ULK4: variants seen among roughly 807,000 people sequenced by gnomAD.
ULK4 encodes inactive serine/threonine-protein kinase ULK4.
In ULK4, 133 loss-of-function variants were observed where a neutral mutation model predicts 160.6. The observed-to-expected ratio is 0.83, with a 90% confidence interval of 0.72 to 0.96. The LOEUF is 0.96. Among genes scored for constraint, ULK4 ranks in the 40% least tolerant of loss-of-function variants. The pLI is 0.00. For missense variants in ULK4, 1,580 were observed against 1,499.5 expected, an observed-to-expected ratio of 1.05 and a Z score of -0.89; for synonymous variants, 534 against 539.8, an observed-to-expected ratio of 0.99 and a Z score of 0.15.
chr3:41,379,060 T>C (rs2081586777), intron 35 of ULK4, among the ~76,000 whole-genome samples: 1 of 151,794 alleles, frequency 6.6e-6, no homozygotes, highest in Non-Finnish European at 1.5e-5. Flanking sequence ...TGTCGGGAGA[T>C]GGGAAGCAAG....
chr3:41,464,456 G>T (rs1575259230), intron 32 of ULK4, among the ~76,000 whole-genome samples: 1 of 152,068 alleles, frequency 6.6e-6, no homozygotes, highest in African/African-American at 2.4e-5. Context: ...AAAGTAGAAT[G>T]AATTACCGTC....
intron 31 of ULK4, among the ~76,000 whole-genome samples, chr3:41,574,296 CCCAGCCA>C (rs1475282294): frequency 1.3e-5 from 2 of 152,116 alleles, no homozygotes; most frequent in African/African-American, 4.8e-5. Context: ...CCACAGCTTG[CCCAGCCA>C]CCAGCCACAA....
chr3:41,628,582 A>G (rs1456418616), intron 30 of ULK4, among the ~76,000 whole-genome samples: 1 of 152,242 alleles, frequency 6.6e-6, no homozygotes, highest in Admixed American at 6.5e-5. Context: ...GTTATGAAAG[A>G]CAAGAAAAGG....
intron 32 of ULK4, among the ~76,000 whole-genome samples, chr3:41,547,538 T>C (rs1051074043): frequency 6.6e-6 from 1 of 152,124 alleles, no homozygotes; most frequent in Non-Finnish European, 1.5e-5. Flanking sequence ...GAGAGCTCCT[T>C]CACTCTTACA....
At chr3:41,389,370 T>C (rs1216101545) in intron 35 of ULK4, among the ~76,000 whole-genome samples, 1 of 152,170 alleles carries the variant, frequency 6.6e-6, no homozygotes, top group African/African-American at 2.4e-5. Context: ...TATTTCCTTC[T>C]CCTGCCTGAT....
chr3:41,909,205 G>T (rs764507355), intron 11 of ULK4, among the ~76,000 whole-genome samples: 1 of 151,866 alleles, frequency 6.6e-6, no homozygotes, highest in Non-Finnish European at 1.5e-5. Flanking sequence ...AGGTTGCAGT[G>T]AGCAAAGACC....
chr3:41,286,319 C>T (rs2079456728), intron 35 of ULK4, among the ~76,000 whole-genome samples: 1 of 152,090 alleles, frequency 6.6e-6, no homozygotes, highest in Non-Finnish European at 1.5e-5. Context: ...CTGAGAGAGA[C>T]AGCTTTTTTT....
intron 33 of ULK4, among the ~76,000 whole-genome samples, chr3:41,460,673 C>G (rs948992620): frequency 6.6e-6 from 1 of 152,164 alleles, no homozygotes; most frequent in African/African-American, 2.4e-5. Context: ...TCATGGCCCA[C>G]AGGAGGCCCC....
chr3:41,845,754 G>A (rs1404181490), intron 17 of ULK4, among the ~76,000 whole-genome samples: 3 of 152,080 alleles, frequency 2.0e-5, no homozygotes, highest in Non-Finnish European at 4.4e-5. Context: ...TTGTAATATA[G>A]TTTTGATATT....
At chr3:41,371,773 C>T (rs1220862792) in intron 35 of ULK4, among the ~76,000 whole-genome samples, 1 of 151,944 alleles carries the variant, frequency 6.6e-6, no homozygotes, top group East Asian at 1.9e-4. Flanking sequence ...AGTGAGGAAA[C>T]AAAACTGGAT....
chr3:41,445,023 A>C (rs2083265129), intron 34 of ULK4, among the ~76,000 whole-genome samples: 2 of 152,216 alleles, frequency 1.3e-5, no homozygotes, highest in Admixed American at 1.3e-4. Context: ...ACCTCAGCGA[A>C]GTCTCAGGAT....
intron 18 of ULK4, among the ~76,000 whole-genome samples, chr3:41,834,057 T>C (rs1055772988): frequency 2.6e-5 from 4 of 151,076 alleles, no homozygotes. Context: ...ATAATATTTA[T>C]ATTAAATTAC....
chr3:41,847,383 C>T (rs1328292387), intron 17 of ULK4, among the ~76,000 whole-genome samples: 1 of 152,168 alleles, frequency 6.6e-6, no homozygotes, highest in Non-Finnish European at 1.5e-5. Flanking sequence ...TATACAATTA[C>T]AGTTACAAAA....
At chr3:41,562,642 T>C (rs959329260) in intron 32 of ULK4, among the ~76,000 whole-genome samples, 2 of 152,220 alleles carry the variant, frequency 1.3e-5, no homozygotes, top group African/African-American at 4.8e-5. Context: ...TTCATCTTTG[T>C]TGGTTTAAAG....
At chr3:41,576,327 T>C (rs1033057777) in intron 31 of ULK4, among the ~76,000 whole-genome samples, 1 of 152,232 alleles carries the variant, frequency 6.6e-6, no homozygotes, top group Non-Finnish European at 1.5e-5. Context: ...TTCCTGTGCC[T>C]GCCTGCATCA....
At chr3:41,388,650 G>GT (rs1319562410) in intron 35 of ULK4, among the ~76,000 whole-genome samples, 2 of 152,006 alleles carry the variant, frequency 1.3e-5, no homozygotes, top group African/African-American at 4.8e-5. Context: ...CCCATTTCTT[G>GT]TTTTTGTCAG....
intron 35 of ULK4, among the ~76,000 whole-genome samples, chr3:41,290,609 C>T (rs1454232329): frequency 2.6e-5 from 4 of 152,108 alleles, no homozygotes; most frequent in Non-Finnish European, 5.9e-5. Context: ...TTCTGGGAGT[C>T]CCCAGTAACT....
chr3:41,867,669 G>A (rs1390334489), intron 17 of ULK4, among the ~76,000 whole-genome samples: 2 of 152,154 alleles, frequency 1.3e-5, no homozygotes, highest in East Asian at 1.9e-4. Flanking sequence ...GAGTCACCAC[G>A]CCCAGCCTGA....
chr3:41,361,562 A>G (rs2081145177), intron 35 of ULK4, among the ~76,000 whole-genome samples: 1 of 152,208 alleles, frequency 6.6e-6, no homozygotes, highest in Admixed American at 6.5e-5. Flanking sequence ...ATACAGTTAA[A>G]AGTACATCAT....
Sources: gnomAD v4.1 joint callset for allele counts (sites outside exome capture counted in the v4.1 genomes callset) on GRCh38, gnomAD v4.1.1 for gene constraint, MANE v1.5 for transcripts, NCBI Gene and HGNC (gene_info 2026-07-23, HGNC 2026-07-21) for gene names.